ARHGEF38: variants seen among roughly 807,000 people sequenced by gnomAD.
The protein encoded by ARHGEF38 is Rho guanine nucleotide exchange factor (GEF) 38.
ARHGEF38 carries 79 observed loss-of-function variants against 79.9 expected under a neutral mutation model. The observed-to-expected ratio is 0.99, with a 90% CI of 0.82 to 1.19. The LOEUF (loss-of-function observed/expected upper bound fraction) is 1.19, where lower values mean the gene tolerates loss of function less well. Among genes scored for constraint, ARHGEF38 ranks in the 50% most tolerant of loss-of-function variants. ARHGEF38 has a pLI of 0.00. For missense variants in ARHGEF38, 962 were observed against 907.2 expected, an observed-to-expected ratio of 1.06 and a Z score of -0.78; for synonymous variants, 366 against 328.3, an observed-to-expected ratio of 1.11 and a Z score of -1.24.
intron 2 of ARHGEF38, among the ~76,000 whole-genome samples, chr4:105,611,259 G>A (rs1728281885): frequency 6.6e-6 from 1 of 151,968 alleles, no homozygotes; most frequent in Non-Finnish European, 1.5e-5. Context: ...AGTAAATTAG[G>A]GGCTGAAATT....
At chr4:105,573,139 G>A (rs1310038526) in intron 1 of ARHGEF38, among the ~76,000 whole-genome samples, 7 of 152,074 alleles carry the variant, frequency 4.6e-5, no homozygotes, top group African/African-American at 1.4e-4. Flanking sequence ...CATTCTGGGT[G>A]TTAATCTTTT....
intron 1 of ARHGEF38, among the ~76,000 whole-genome samples, chr4:105,560,912 A>T (rs1725486806): frequency 6.6e-6 from 1 of 152,174 alleles, no homozygotes; most frequent in South Asian, 2.1e-4. Flanking sequence ...ATGGTTGATG[A>T]AGACATTGTT....
In ARHGEF38 at chr4:105,679,520, T is replaced by C; in HGVS notation, c.*1583T>C. The C allele has an allele frequency of 7.3e-7, 1 of 1,376,942 alleles. No homozygotes were observed. Among genetic ancestry groups the C allele is most frequent in the Non-Finnish European group, 1.0e-6 (1 of 966,556 alleles). The allele number at this position is 1,376,942 out of a possible 1,614,324, so 85.3% of individuals were successfully genotyped here. On this transcript the variant is annotated 3_prime_UTR_variant, in exon 14 of 14. Coordinates refer to ENST00000420470, the MANE Select transcript of ARHGEF38 (RefSeq NM_001242729.2). ...TTAAAGATCATGGTTCAAAGCTTGA[T>C]ACACCAGAAATGTGGGCTAAAGCTG...
In ARHGEF38 at chr4:105,614,743, T is replaced by C. The variant is rs552264825; in HGVS notation, c.508+1236T>C. 2.0e-3 allele frequency among the ~76,000 whole-genome samples: 309 copies of C among 152,188 alleles called. 1 individual carries two copies. Among genetic ancestry groups the C allele is most frequent in the Non-Finnish European group, 3.6e-3 (245 of 68,016 alleles). On this transcript the variant is annotated intron_variant, in intron 3 of 13. Coordinates refer to ENST00000420470, the MANE Select transcript of ARHGEF38 (RefSeq NM_001242729.2). ...ACACTAACTCATTAGTGTGAATTCA[T>C]TGGCTATTCATTTATTAATTCAATC... is the stretch of plus-strand genomic sequence containing the variant.
intron 2 of ARHGEF38, among the ~76,000 whole-genome samples, chr4:105,600,967 T>A (rs1412307187): frequency 2.0e-5 from 3 of 152,150 alleles, no homozygotes; most frequent in Non-Finnish European, 2.9e-5. Context: ...CAAGAACCTA[T>A]CAATAACCTC....
intron 4 of ARHGEF38, 100 bp from the exon 5 acceptor site, chr4:105,636,298 CTTATT>C (rs1175507947): frequency 1.0e-5 from 2 of 190,900 alleles, no homozygotes; most frequent in Non-Finnish European, 1.0e-5. Flanking sequence ...ATGAAAATTA[CTTATT>C]TTATTTTACA....
At chr4:105,561,926 A>C (rs1725651628) in intron 1 of ARHGEF38, among the ~76,000 whole-genome samples, 1 of 152,192 alleles carries the variant, frequency 6.6e-6, no homozygotes, top group South Asian at 2.1e-4. Flanking sequence ...AAATTGTGGA[A>C]AAGTGACTAG....
chr4:105,619,362 GC>G lies in ARHGEF38; in HGVS notation c.508+5860del, dbSNP rs1728644072. 2.0e-5 allele frequency among the ~76,000 whole-genome samples: 3 copies of G among 151,900 alleles called. No individual in the cohort carries two copies. The South Asian group carries it at 6.3e-4, about 32-fold the overall frequency. Reference sequence around the variant, plus strand: ...AAGGTCCTTGTCAGCTGGCCAGCTGGCCCCCAGCCAGTCCACCAACTGACGG... The same window carrying G: ...AAGGTCCTTGTCAGCTGGCCAGCTGGCCCCAGCCAGTCCACCAACTGACGG... On this transcript the variant is annotated intron_variant, in intron 3 of 13. Coordinates refer to ENST00000420470, the MANE Select transcript of ARHGEF38 (RefSeq NM_001242729.2).
chr4:105,595,212 C>A (rs1490587070), intron 2 of ARHGEF38, among the ~76,000 whole-genome samples: 1 of 152,128 alleles, frequency 6.6e-6, no homozygotes, highest in African/African-American at 2.4e-5. Context: ...CATCTTTTTA[C>A]CCATCCAATG....
intron 1 of ARHGEF38, among the ~76,000 whole-genome samples, chr4:105,558,263 G>T (rs1445647100): frequency 6.6e-6 from 1 of 152,302 alleles, no homozygotes; most frequent in Middle Eastern, 3.4e-3. Context: ...TAGACAGTCT[G>T]TCAGGGAGCA....
intron 1 of ARHGEF38, chr4:105,561,529 A>AATGGAATGGAATGGAATG (rs1725623036): frequency 6.9e-6 from 1 of 145,692 alleles, no homozygotes; most frequent in Admixed American, 6.8e-5. Context: ...AGAATAGAAT[A>AATGGAATGGAATGGAATG]GAATAGAATA....
intron 1 of ARHGEF38, among the ~76,000 whole-genome samples, chr4:105,578,490 TTGA>T (rs949537910): frequency 1.5e-4 from 23 of 152,344 alleles, no homozygotes; most frequent in African/African-American, 5.5e-4. Flanking sequence ...ACTTTCTGTC[TTGA>T]TGATCTGTGT....
At position 105,658,135 on chromosome 4, in the gene ARHGEF38, C is replaced by T. The variant is rs182559967; in HGVS notation, c.1234-919C>T. Among the ~76,000 whole-genome samples, 538 of 152,258 alleles carry T rather than the reference C, an allele frequency of 3.5e-3. 1 individual carries two copies. Among genetic ancestry groups the T allele is most frequent in the African/African-American group, 0.013 (521 of 41,568 alleles). On this transcript the variant is annotated intron_variant, in intron 9 of 13. Transcript: ENST00000420470. Reference sequence around the variant, plus strand: ...ATTTAAGACACAGAAACAGCATCAGCTTAATCCTTTAATGTATTTAAAACA... The same window carrying T: ...ATTTAAGACACAGAAACAGCATCAGTTTAATCCTTTAATGTATTTAAAACA...
intron 1 of ARHGEF38, among the ~76,000 whole-genome samples, chr4:105,560,247 T>C (rs1313652907): frequency 6.6e-6 from 1 of 152,176 alleles, no homozygotes; most frequent in Non-Finnish European, 1.5e-5. Flanking sequence ...TGTTTAGTTG[T>C]CGGGGAACAA....
Position 105,593,384 on chromosome 4 carries a change from A to T in ARHGEF38, c.384+3949A>T, listed in dbSNP as rs191610297. Among the ~76,000 whole-genome samples the T allele has an allele frequency of 6.5e-3, 993 of 152,028 alleles. 11 individuals carry two copies. The highest frequency in any genetic ancestry group is 0.023 in the African/African-American group (952 of 41,480). On this transcript the variant is annotated intron_variant, in intron 2 of 13. Transcript: ENST00000420470. Reference sequence around the variant, plus strand: ...TAGGGAGACCTCATCCCTATTTAAAAAAAAACAGCCAAGTGTAGTGGCTTG... The same window carrying T: ...TAGGGAGACCTCATCCCTATTTAAATAAAAACAGCCAAGTGTAGTGGCTTG...
rs1412998822 is a variant in ARHGEF38, at chr4:105,679,991, C to T, written c.*2054C>T. On this transcript the variant is annotated 3_prime_UTR_variant, in exon 14 of 14. Coordinates refer to ENST00000420470, the MANE Select transcript of ARHGEF38 (RefSeq NM_001242729.2). Reference sequence around the variant, plus strand: ...GCAATGTCCCCATGTAAACACAGTGCATTCTGTTTTGTGCGGATTCATGGC... The same window carrying T: ...GCAATGTCCCCATGTAAACACAGTGTATTCTGTTTTGTGCGGATTCATGGC... 2.4e-6 allele frequency: 3 copies of T among 1,241,908 alleles called. No homozygotes were observed. Among genetic ancestry groups the T allele is most frequent in the Non-Finnish European group, 3.5e-6 (3 of 846,336 alleles). 76.9% of individuals were successfully genotyped at this position (1,241,908 alleles called of 1,614,324 possible).
At chr4:105,625,058 G>T (rs558636031) in intron 3 of ARHGEF38, among the ~76,000 whole-genome samples, 2 of 151,996 alleles carry the variant, frequency 1.3e-5, no homozygotes, top group Admixed American at 1.3e-4. Context: ...CTTCCTTTTG[G>T]GATATATCTC....
At chr4:105,643,113 A>T (rs553934153) in intron 5 of ARHGEF38, among the ~76,000 whole-genome samples, 1 of 150,944 alleles carries the variant, frequency 6.6e-6, no homozygotes, top group East Asian at 1.9e-4. Flanking sequence ...GTTAGAAAAT[A>T]TCTTTTGGGT....
intron 4 of ARHGEF38, chr4:105,632,817 A>C (rs1252235523): frequency 6.6e-6 from 1 of 152,278 alleles, no homozygotes. Flanking sequence ...ATGCGCTTCT[A>C]ACTGTTCACC....
Sources: allele counts gnomAD v4.1 joint callset (sites outside exome capture counted in the v4.1 genomes callset), GRCh38; gene constraint gnomAD v4.1.1; transcripts MANE v1.5; gene names NCBI Gene and HGNC (gene_info 2026-07-23, HGNC 2026-07-21).